Variants in NELL1 observed in about 807,000 individuals in gnomAD.
The protein encoded by NELL1 is neural EGFL like 1.
NELL1 carries 76 observed loss-of-function variants against 107.4 expected under a neutral mutation model. The ratio of observed to expected loss-of-function variants is 0.71; its 90% confidence interval spans 0.59 to 0.86. The LOEUF is 0.86. Among genes scored for constraint, NELL1 ranks in the 40% least tolerant of loss-of-function variants. The pLI is 0.00. For synonymous variants in NELL1, 353 were observed against 341.2 expected, an observed-to-expected ratio of 1.03 and a Z score of -0.38; for missense variants, 1,024 against 1,005.5, an observed-to-expected ratio of 1.02 and a Z score of -0.25.
chr11:21,136,205 G>A (rs750134277), intron 13 of NELL1, among the ~76,000 whole-genome samples: 2 of 152,120 alleles, frequency 1.3e-5, no homozygotes, highest in African/African-American at 4.8e-5. Context: ...TTCATTCAGA[G>A]GGAATACCAA....
At chr11:20,749,454 A>G (rs1472062076) in intron 2 of NELL1, among the ~76,000 whole-genome samples, 1 of 151,972 alleles carries the variant, frequency 6.6e-6, no homozygotes, top group South Asian at 2.1e-4. Flanking sequence ...AAAAAAAATT[A>G]TCCAGGCATA....
intron 16 of NELL1, among the ~76,000 whole-genome samples, chr11:21,539,010 T>C (rs2133976100): frequency 6.6e-6 from 1 of 152,206 alleles, no homozygotes; most frequent in East Asian, 1.9e-4. Flanking sequence ...ACTATCCCCA[T>C]AGCCCCATTT....
chr11:21,500,216 T>C (rs866484415), intron 15 of NELL1, among the ~76,000 whole-genome samples: 2 of 152,230 alleles, frequency 1.3e-5, no homozygotes, highest in Non-Finnish European at 1.5e-5. Context: ...ACTAGCTTGA[T>C]TATCTGTAAC....
intron 13 of NELL1, among the ~76,000 whole-genome samples, chr11:21,171,126 C>T (rs1856598251): frequency 6.6e-6 from 1 of 151,778 alleles, no homozygotes; most frequent in African/African-American, 2.4e-5. Flanking sequence ...TATTCTGAAA[C>T]ATCATGTTTT....
At chr11:20,772,677 G>A (rs1374380879) in intron 2 of NELL1, among the ~76,000 whole-genome samples, 1 of 151,640 alleles carries the variant, frequency 6.6e-6, no homozygotes, top group African/African-American at 2.4e-5. Flanking sequence ...TACAGATGAG[G>A]CAACTCAAGG....
chr11:21,210,787 A>T (rs1225291764), intron 13 of NELL1, among the ~76,000 whole-genome samples: 1 of 152,130 alleles, frequency 6.6e-6, no homozygotes, highest in Non-Finnish European at 1.5e-5. Context: ...GGATATCAAC[A>T]TGTCTTTACC....
chr11:21,385,263 A>AG (rs1274612077), intron 15 of NELL1, among the ~76,000 whole-genome samples: 1 of 151,946 alleles, frequency 6.6e-6, no homozygotes, highest in Non-Finnish European at 1.5e-5. Context: ...TCCGGAGACC[A>AG]GGGTAGTACC....
At chr11:21,258,216 G>A (rs1344899038) in intron 14 of NELL1, among the ~76,000 whole-genome samples, 1 of 151,966 alleles carries the variant, frequency 6.6e-6, no homozygotes, top group Non-Finnish European at 1.5e-5. Flanking sequence ...GAGGACAAGG[G>A]AAAATCTTTT....
chr11:20,888,166 A>C (rs1272665076), intron 5 of NELL1, among the ~76,000 whole-genome samples: 1 of 152,148 alleles, frequency 6.6e-6, no homozygotes, highest in Non-Finnish European at 1.5e-5. Context: ...AACAGATTAG[A>C]CACAGGTAGG....
chr11:21,295,029 C>T (rs1849345669), intron 14 of NELL1, among the ~76,000 whole-genome samples: 1 of 152,100 alleles, frequency 6.6e-6, no homozygotes, highest in Non-Finnish European at 1.5e-5. Context: ...TGTTATTCCA[C>T]AGCTATCTCC....
chr11:21,453,274 A>G (rs1035836280), intron 15 of NELL1, among the ~76,000 whole-genome samples: 1 of 152,078 alleles, frequency 6.6e-6, no homozygotes, highest in Non-Finnish European at 1.5e-5. Flanking sequence ...TTATTGCTTC[A>G]CATACTTTGA....
intron 15 of NELL1, among the ~76,000 whole-genome samples, chr11:21,510,683 A>G (rs1300306181): frequency 1.3e-5 from 2 of 152,048 alleles, no homozygotes; most frequent in African/African-American, 2.4e-5. Flanking sequence ...TCCCAGATTG[A>G]GGTTTTGAAC....
chr11:20,781,758 G>A lies in NELL1; in HGVS notation c.185-1922G>A, dbSNP rs1856854041. ...TTAGAAGTAATGATAATAGGGTGCA[G>A]TGGCTCACACTTGTAATCCCAGCAC... On this transcript the variant is annotated intron_variant, in intron 2 of 19. Coordinates refer to ENST00000357134, the MANE Select transcript of NELL1 (RefSeq NM_006157.5). 2.0e-5 allele frequency among the ~76,000 whole-genome samples: 3 copies of A among 151,926 alleles called. No individual in the cohort carries two copies. The South Asian group carries it at 6.2e-4, about 32-fold the overall frequency.
intron 12 of NELL1, among the ~76,000 whole-genome samples, chr11:20,996,060 C>A (rs1052812177): frequency 6.6e-6 from 1 of 152,138 alleles, no homozygotes; most frequent in African/African-American, 2.4e-5. Flanking sequence ...TATTACCCTG[C>A]CATTTAATGT....
intron 10 of NELL1, among the ~76,000 whole-genome samples, chr11:20,941,945 G>A (rs1850863983): frequency 6.6e-6 from 1 of 152,144 alleles, no homozygotes; most frequent in Non-Finnish European, 1.5e-5. Flanking sequence ...AGCACAGCTG[G>A]CTTTGTGAGG....
At chr11:21,012,407 T>A (rs927440570) in intron 12 of NELL1, among the ~76,000 whole-genome samples, 2 of 152,034 alleles carry the variant, frequency 1.3e-5, no homozygotes, top group African/African-American at 2.4e-5. Flanking sequence ...GAAATTAGGG[T>A]CATCAGAAAC....
intron 15 of NELL1, among the ~76,000 whole-genome samples, chr11:21,420,936 A>G (rs548648265): frequency 6.6e-6 from 1 of 152,270 alleles, no homozygotes; most frequent in East Asian, 1.9e-4. Flanking sequence ...CTAGAATTTG[A>G]ATATTCAGCA....
At chr11:21,069,989 C>T (rs867064924) in intron 12 of NELL1, among the ~76,000 whole-genome samples, 6 of 152,160 alleles carry the variant, frequency 3.9e-5, no homozygotes, top group African/African-American at 7.2e-5. Flanking sequence ...AATAGATAGA[C>T]GCTCATAGAT....
intron 5 of NELL1, among the ~76,000 whole-genome samples, chr11:20,891,510 C>A (rs1012999071): frequency 6.6e-6 from 1 of 152,076 alleles, no homozygotes; most frequent in Non-Finnish European, 1.5e-5. Context: ...TCACACATAA[C>A]AATACTAACC....
Sources: gnomAD v4.1 joint callset for allele counts (sites outside exome capture counted in the v4.1 genomes callset) on GRCh38, gnomAD v4.1.1 for gene constraint, MANE v1.5 for transcripts, NCBI Gene and HGNC (gene_info 2026-07-23, HGNC 2026-07-21) for gene names.